MACO1: variants seen among roughly 807,000 people sequenced by gnomAD.
MACO1 encodes macoilin 1.
MACO1 carries 14 observed loss-of-function variants against 78.7 expected under a neutral mutation model. That is an observed-to-expected ratio of 0.18 (90% CI 0.12 to 0.28). The LOEUF is 0.28. MACO1 is among the 10% of genes least tolerant of loss of function. The pLI, the probability that MACO1 is intolerant of heterozygous loss-of-function variation, is 1.00. For missense variants in MACO1, 501 were observed against 799.0 expected (o/e 0.63, Z 4.50); for synonymous variants, 288 against 291.6 (o/e 0.99, Z 0.12).
At chr1:25,476,474 G>A (rs2043322503) in intron 6 of MACO1, among the ~76,000 whole-genome samples, 1 of 152,204 alleles carries the variant, frequency 6.6e-6, no homozygotes, top group African/African-American at 2.4e-5. Flanking sequence ...GGTCATGTTA[G>A]TGTAGGCCTC....
At chr1:25,449,541 T>C (rs1241385063) in intron 3 of MACO1, among the ~76,000 whole-genome samples, 1 of 152,190 alleles carries the variant, frequency 6.6e-6, no homozygotes, top group Non-Finnish European at 1.5e-5. Flanking sequence ...TTTAAAAATT[T>C]CTATTTTTTT....
At position 25,461,351 on chromosome 1, in the gene MACO1, T is replaced by TAAAG. The variant is rs2043170945; in HGVS notation, c.1154+2460_1154+2463dup. ...CATTGTGCACATGTACCCTAAAACTTAAAGTATAATAATAATAAAATAAAA... is the reference window on the plus strand; with the variant it reads ...CATTGTGCACATGTACCCTAAAACTTAAAGAAAGTATAATAATAATAAAATAAAA... On this transcript the variant is annotated intron_variant, in intron 6 of 10. Coordinates refer to ENST00000374343, the MANE Select transcript of MACO1 (RefSeq NM_018202.6). 2.0e-5 allele frequency among the ~76,000 whole-genome samples: 3 copies of TAAAG among 152,158 alleles called. No individual in the cohort carries two copies. In the South Asian group the frequency reaches 6.2e-4, roughly 32 times the overall value.
chr1:25,496,154 T>C (rs1387066346), intron 10 of MACO1, among the ~76,000 whole-genome samples: 1 of 151,754 alleles, frequency 6.6e-6, no homozygotes, highest in Non-Finnish European at 1.5e-5. Context: ...TTTTTTTTCT[T>C]TTTCTTTTTT....
chr1:25,497,819 G>A (rs1469338355), intron 10 of MACO1, among the ~76,000 whole-genome samples: 2 of 152,212 alleles, frequency 1.3e-5, no homozygotes, highest in South Asian at 2.1e-4. Context: ...GGTGGAGCCA[G>A]AGTTCAAAAT....
intron 6 of MACO1, among the ~76,000 whole-genome samples, chr1:25,480,928 AAATATATATATATAT>A (rs1251239450): frequency 5.2e-4 from 14 of 26,908 alleles, no homozygotes; most frequent in African/African-American, 1.7e-3. Context: ...AAAAAAAAAA[AAATATATATATATAT>A]ATATATATAT....
In MACO1 at chr1:25,450,093, A is replaced by G. The variant is rs7515659; in HGVS notation, c.349+1159A>G. ...TACCAGACCATCGCCTCAATCCCAA[A>G]CATTGAACCTCTGCATTAGAGCCAC... On this transcript the variant is annotated intron_variant, in intron 3 of 10. Transcript: ENST00000374343. Among the ~76,000 whole-genome samples the G allele has an allele frequency of 8.1e-3, 1,238 of 152,260 alleles. 19 individuals carry two copies. The highest frequency in any genetic ancestry group is 0.028 in the African/African-American group (1,163 of 41,542).
In MACO1 at chr1:25,499,922, ATTTT is replaced by A; in HGVS notation, c.*1457_*1460del. The A allele has an allele frequency of 6.6e-6, 1 of 152,276 alleles. No homozygotes were observed. The highest frequency in any genetic ancestry group is 1.9e-4 in the East Asian group (1 of 5,186). 9.4% of individuals were successfully genotyped at this position (152,276 alleles called of 1,614,324 possible). A position where few individuals can be genotyped will look rare whatever the true frequency, so the allele number is the denominator to read the frequency against. ...AATCATCCTTTAAATCACAGATCTT[ATTTT>A]GAGATTAAAAAAAATACTTCTAGCT... On this transcript the variant is annotated 3_prime_UTR_variant, in exon 11 of 11. Transcript: ENST00000374343.
chr1:25,469,887 A>G (rs961235175), intron 6 of MACO1, among the ~76,000 whole-genome samples: 2 of 152,002 alleles, frequency 1.3e-5, no homozygotes, highest in African/African-American at 4.8e-5. Context: ...CAGCTTCCCA[A>G]AGTGCTGGGA....
chr1:25,494,285 A>G (rs1228941743), intron 10 of MACO1, among the ~76,000 whole-genome samples: 1 of 152,216 alleles, frequency 6.6e-6, no homozygotes, highest in Non-Finnish European at 1.5e-5. Flanking sequence ...GAGGAAGATC[A>G]GGGAAGGCCT....
intron 6 of MACO1, among the ~76,000 whole-genome samples, chr1:25,459,147 TC>T (rs1183778392): frequency 6.6e-6 from 1 of 152,242 alleles, no homozygotes; most frequent in Non-Finnish European, 1.5e-5. Flanking sequence ...ACTTGATTCT[TC>T]TAGTCGTGTT....
intron 6 of MACO1, among the ~76,000 whole-genome samples, chr1:25,465,470 T>C (rs1288902043): frequency 1.3e-5 from 2 of 152,232 alleles, no homozygotes; most frequent in African/African-American, 4.8e-5. Context: ...GTCAGTGTTA[T>C]GGATTTCGGC....
chr1:25,444,287 T>TG lies in MACO1; in HGVS notation c.81-2470dup, dbSNP rs554494287. On this transcript the variant is annotated intron_variant, in intron 1 of 10. Coordinates refer to ENST00000374343, the MANE Select transcript of MACO1 (RefSeq NM_018202.6). Reference sequence around the variant, plus strand: ...ATAAATAAATAAATAAATAAAGAGATGGGGGTCTCACTTTGTTGACCAGGC... The same window carrying TG: ...ATAAATAAATAAATAAATAAAGAGATGGGGGGTCTCACTTTGTTGACCAGGC... Among the ~76,000 whole-genome samples, 350 of 150,836 alleles carry TG rather than the reference T, an allele frequency of 2.3e-3. 1 individual carries two copies. The highest frequency in any genetic ancestry group is 3.9e-3 in the Non-Finnish European group (265 of 67,730).
chr1:25,481,382 G>A (rs558489695), intron 6 of MACO1, among the ~76,000 whole-genome samples: 91 of 152,240 alleles, frequency 6.0e-4, no homozygotes, highest in African/African-American at 2.0e-3. Context: ...GTTATCAGCC[G>A]TAGATGAGGA....
At chr1:25,456,589 G>A in intron 4 of MACO1, 64 bp from the exon 5 acceptor site, 1 of 1,531,148 alleles carries the variant, frequency 6.5e-7, no homozygotes, top group South Asian at 1.2e-5. Flanking sequence ...GTATTCTCAT[G>A]TGCTTGAGGC....
intron 3 of MACO1, among the ~76,000 whole-genome samples, chr1:25,452,828 C>G (rs922582224): frequency 4.0e-5 from 6 of 151,018 alleles, no homozygotes; most frequent in African/African-American, 1.5e-4. Flanking sequence ...TCCCGAGTAA[C>G]TGGAATTACA....
chr1:25,431,246 GC>G, intron 1 of MACO1, 68 bp downstream of exon 1: 1 of 1,287,264 alleles, frequency 7.8e-7, no homozygotes. Flanking sequence ...GAGGGGCCTG[GC>G]CCCGTTATGT....
intron 2 of MACO1, among the ~76,000 whole-genome samples, chr1:25,448,161 A>G (rs540866666): frequency 5.8e-4 from 88 of 152,152 alleles, no homozygotes; most frequent in Admixed American, 2.3e-3. Context: ...ACTTTTCTGT[A>G]TTAAAATTCT....
intron 6 of MACO1, among the ~76,000 whole-genome samples, chr1:25,464,975 A>ATTTT (rs374057922): frequency 1.4e-5 from 2 of 141,236 alleles, no homozygotes; most frequent in African/African-American, 2.6e-5. Context: ...CGCCCAGGCA[A>ATTTT]TTTTTTTTTT....
intron 10 of MACO1, among the ~76,000 whole-genome samples, chr1:25,494,462 G>A (rs77780082): frequency 0.014 from 2,058 of 152,312 alleles, 53 homozygotes; most frequent in African/African-American, 0.047. Context: ...GAAGGAAAGA[G>A]TGGGAGGGTA....
Sources: allele counts gnomAD v4.1 joint callset (sites outside exome capture counted in the v4.1 genomes callset), GRCh38; gene constraint gnomAD v4.1.1; transcripts MANE v1.5; gene names NCBI Gene and HGNC (gene_info 2026-07-23, HGNC 2026-07-21).